Variants in CEP128 observed in about 807,000 individuals in gnomAD.
CEP128 encodes the protein centrosomal protein 128, also known as centrosomal protein 128kDa.
Under a neutral mutation model 156.7 loss-of-function variants are expected in CEP128, and 132 were observed. That is an observed-to-expected ratio of 0.84 (90% CI 0.73 to 0.97). The LOEUF (loss-of-function observed/expected upper bound fraction) is 0.97, where lower values mean the gene tolerates loss of function less well. Among genes scored for constraint, CEP128 ranks in the 50% least tolerant of loss-of-function variants. The pLI, the probability that CEP128 is intolerant of heterozygous loss-of-function variation, is 0.00. For synonymous variants in CEP128, 469 were observed against 448.9 expected (o/e 1.04, Z -0.57); for missense variants, 1,252 against 1,281.9 (o/e 0.98, Z 0.36).
rs180899301 is a variant in CEP128, at chr14:80,579,831, C to T, written c.2856+543G>A. Reference sequence around the variant, plus strand: ...GAACTTCTGTCAGATGCCAACTTCACATCCATTGCTCATATCACAGAAATA... The same window carrying T: ...GAACTTCTGTCAGATGCCAACTTCATATCCATTGCTCATATCACAGAAATA... On this transcript the variant is annotated intron_variant, in intron 20 of 24. Coordinates refer to ENST00000555265, the MANE Select transcript of CEP128 (RefSeq NM_152446.5). 2.7e-3 allele frequency among the ~76,000 whole-genome samples: 414 copies of T among 152,346 alleles called. 2 individuals carry two copies. The highest frequency in any genetic ancestry group is 9.0e-3 in the African/African-American group (375 of 41,584).
chr14:80,903,931 A>G (rs1479117039), intron 6 of CEP128, among the ~76,000 whole-genome samples: 4 of 152,068 alleles, frequency 2.6e-5, no homozygotes, highest in Non-Finnish European at 5.9e-5. Flanking sequence ...AACTGTATGG[A>G]GGGTCTTCAA....
At chr14:80,952,537 A>G (rs1886489191) in intron 2 of CEP128, among the ~76,000 whole-genome samples, 1 of 152,142 alleles carries the variant, frequency 6.6e-6, no homozygotes, top group African/African-American at 2.4e-5. Flanking sequence ...ACACACATAC[A>G]ATATTATAAA....
intron 14 of CEP128, among the ~76,000 whole-genome samples, chr14:80,481,796 T>A (rs1887059136): frequency 6.6e-6 from 1 of 152,230 alleles, no homozygotes; most frequent in Non-Finnish European, 1.5e-5. Context: ...TTTAAATCCA[T>A]CCATTTAGAT....
chr14:80,662,846 T>C (rs1038093988), intron 19 of CEP128, among the ~76,000 whole-genome samples: 4 of 152,182 alleles, frequency 2.6e-5, no homozygotes, highest in Non-Finnish European at 5.9e-5. Flanking sequence ...AAATGTCCTA[T>C]ATCTGAGCTG....
At chr14:80,731,053 G>C (rs1431492908) in intron 19 of CEP128, among the ~76,000 whole-genome samples, 4 of 152,250 alleles carry the variant, frequency 2.6e-5, no homozygotes, top group East Asian at 1.9e-4. Flanking sequence ...TAGTCATTAA[G>C]ACAGCCTAAA....
chr14:80,867,535 C>T (rs950680315), intron 8 of CEP128, among the ~76,000 whole-genome samples: 2 of 151,808 alleles, frequency 1.3e-5, no homozygotes, highest in Non-Finnish European at 2.9e-5. Flanking sequence ...TAGAAACCAT[C>T]AAAAAGAACA....
At chr14:80,591,851 C>G (rs1244240409) in intron 19 of CEP128, among the ~76,000 whole-genome samples, 1 of 152,178 alleles carries the variant, frequency 6.6e-6, no homozygotes. Context: ...GATTAAGAAA[C>G]TCACTCAAAA....
intron 21 of CEP128, among the ~76,000 whole-genome samples, chr14:80,546,327 G>A (rs753282756): frequency 1.4e-4 from 22 of 152,194 alleles, no homozygotes; most frequent in Middle Eastern, 3.4e-3. Context: ...TAAGTGAGTC[G>A]CCCATGTGAA....
chr14:80,817,963 T>C (rs920401113), intron 13 of CEP128, among the ~76,000 whole-genome samples: 6 of 151,836 alleles, frequency 4.0e-5, no homozygotes, highest in South Asian at 2.1e-4. Flanking sequence ...AGATTATCGA[T>C]AGATATGATG....
chr14:80,849,686 C>T lies in CEP128; in HGVS notation c.763-8918G>A, dbSNP rs190678076. ...TAGAAATACAAATTAACTAGAAACA[C>T]AATGAGTCATGAGAGCTATAAAAAA... On this transcript the variant is annotated intron_variant, in intron 9 of 24. Transcript: ENST00000555265. 9.1e-4 allele frequency among the ~76,000 whole-genome samples: 138 copies of T among 151,948 alleles called. 1 individual carries two copies. The highest frequency in any genetic ancestry group is 3.2e-3 in the African/African-American group (134 of 41,456).
chr14:80,819,814 T>C (rs1885069513), intron 13 of CEP128, among the ~76,000 whole-genome samples: 2 of 152,312 alleles, frequency 1.3e-5, no homozygotes, highest in African/African-American at 4.8e-5. Context: ...TGGATTTGTG[T>C]ACTCCTAGAA....
chr14:80,866,961 T>A lies in CEP128; in HGVS notation c.646-4088A>T, dbSNP rs146622371. On this transcript the variant is annotated intron_variant, in intron 8 of 24. Coordinates refer to ENST00000555265, the MANE Select transcript of CEP128 (RefSeq NM_152446.5). ...AACCCTATATATACCATGAACAATT[T>A]TTCCCTTCATAATTTCACAGACAGT... Among the ~76,000 whole-genome samples the A allele has an allele frequency of 6.9e-3, 1,051 of 152,312 alleles. 9 individuals carry two copies. The highest frequency in any genetic ancestry group is 0.024 in the African/African-American group (991 of 41,568).
intron 19 of CEP128, among the ~76,000 whole-genome samples, chr14:80,712,095 T>C (rs1265127821): frequency 6.6e-6 from 1 of 152,120 alleles, no homozygotes; most frequent in Non-Finnish European, 1.5e-5. Context: ...AATTTTTAAT[T>C]TGAAATTTTA....
At chr14:80,752,783 G>T (rs938514862) in intron 18 of CEP128, among the ~76,000 whole-genome samples, 1 of 152,126 alleles carries the variant, frequency 6.6e-6, no homozygotes, top group African/African-American at 2.4e-5. Context: ...TATGTCCTTA[G>T]GTAAAACTAA....
intron 19 of CEP128, among the ~76,000 whole-genome samples, chr14:80,712,856 G>A (rs1168998893): frequency 1.3e-5 from 2 of 152,108 alleles, no homozygotes; most frequent in Non-Finnish European, 2.9e-5. Context: ...CTTTTCCTGA[G>A]GCTTGCATTT....
intron 2 of CEP128, among the ~76,000 whole-genome samples, chr14:80,947,901 A>C (rs1325882597): frequency 6.6e-6 from 1 of 152,202 alleles, no homozygotes. Flanking sequence ...TGTTACTTCA[A>C]ATGTAGCCTG....
chr14:80,647,033 GCATGTATATA>G (rs1894670059), intron 19 of CEP128, among the ~76,000 whole-genome samples: 3 of 68,788 alleles, frequency 4.4e-5, no homozygotes, highest in South Asian at 5.4e-4. Flanking sequence ...ATATATGTGT[GCATGTATATA>G]TATATATATA....
intron 18 of CEP128, among the ~76,000 whole-genome samples, chr14:80,750,842 TTCATA>T (rs1379688560): frequency 6.6e-6 from 1 of 152,204 alleles, no homozygotes; most frequent in African/African-American, 2.4e-5. Flanking sequence ...CCCCTCAGAC[TTCATA>T]TGTTGAAGCT....
intron 13 of CEP128, among the ~76,000 whole-genome samples, chr14:80,828,793 G>A (rs1183734543): frequency 6.6e-6 from 1 of 152,118 alleles, no homozygotes; most frequent in Non-Finnish European, 1.5e-5. Context: ...TAAATCATAA[G>A]AACTGTTACT....
Sources: allele counts gnomAD v4.1 joint callset (sites outside exome capture counted in the v4.1 genomes callset), GRCh38; gene constraint gnomAD v4.1.1; transcripts MANE v1.5; gene names NCBI Gene and HGNC (gene_info 2026-07-23, HGNC 2026-07-21).